RNLS: variants seen among roughly 807,000 people sequenced by gnomAD.
The protein encoded by RNLS is renalase.
Under a neutral mutation model 39.8 loss-of-function variants are expected in RNLS, and 39 were observed. That is an observed-to-expected ratio of 0.98 (90% CI 0.76 to 1.28). The LOEUF (loss-of-function observed/expected upper bound fraction) is 1.28. Ranked by LOEUF, RNLS falls within the 50% of genes most tolerant of loss-of-function variation. The pLI, the probability that RNLS is intolerant of heterozygous loss-of-function variation, is 0.00. For missense variants in RNLS, 410 were observed against 413.3 expected, an observed-to-expected ratio of 0.99 and a Z score of 0.07; for synonymous variants, 147 against 150.7, an observed-to-expected ratio of 0.98 and a Z score of 0.18.
At chr10:88,357,860 A>G (rs1938392571) in intron 5 of RNLS, among the ~76,000 whole-genome samples, 1 of 152,200 alleles carries the variant, frequency 6.6e-6, no homozygotes, top group African/African-American at 2.4e-5. Context: ...TGAAGTTGGC[A>G]GAGTCAAAAA....
At chr10:88,532,692 G>A (rs1180914435) in intron 4 of RNLS, among the ~76,000 whole-genome samples, 1 of 151,966 alleles carries the variant, frequency 6.6e-6, no homozygotes, top group African/African-American at 2.4e-5. Context: ...TAAAGTGTTA[G>A]ATAATCACAG....
chr10:88,413,231 C>G (rs1853804235), intron 4 of RNLS, among the ~76,000 whole-genome samples: 1 of 152,130 alleles, frequency 6.6e-6, no homozygotes, highest in Non-Finnish European at 1.5e-5. Flanking sequence ...TTCTTATGCT[C>G]TGCTCTTCAC....
At chr10:88,572,778 T>C in intron 4 of RNLS, 125 bp downstream of exon 4, 1 of 995,120 alleles carries the variant, frequency 1.0e-6, no homozygotes, top group East Asian at 2.6e-5. Flanking sequence ...TAAGTATCAG[T>C]TTTTAAGACA....
At chr10:88,542,680 A>G (rs1437636945) in intron 4 of RNLS, among the ~76,000 whole-genome samples, 1 of 152,162 alleles carries the variant, frequency 6.6e-6, no homozygotes, top group Non-Finnish European at 1.5e-5. Context: ...GCAAACCACA[A>G]GTGATGTCAA....
At chr10:88,581,292 G>GTATATATATATATATATATA (rs1362971821) in intron 3 of RNLS, among the ~76,000 whole-genome samples, 1 of 122,048 alleles carries the variant, frequency 8.2e-6, no homozygotes, top group African/African-American at 3.6e-5. Context: ...GTGTGTGTGT[G>GTATATATATATATATATATA]TGTATATATA....
chr10:88,435,090 A>C (rs1490667263), intron 4 of RNLS, among the ~76,000 whole-genome samples: 1 of 152,008 alleles, frequency 6.6e-6, no homozygotes, highest in Non-Finnish European at 1.5e-5. Context: ...GTGTAAACCA[A>C]TATAAGTAGC....
At chr10:88,489,591 A>G (rs1844766914) in intron 4 of RNLS, among the ~76,000 whole-genome samples, 1 of 152,214 alleles carries the variant, frequency 6.6e-6, no homozygotes, top group Non-Finnish European at 1.5e-5. Context: ...GATTCAAATT[A>G]AAACTTAATA....
intron 4 of RNLS, among the ~76,000 whole-genome samples, chr10:88,516,790 G>T (rs1846428700): frequency 6.6e-6 from 1 of 151,898 alleles, no homozygotes; most frequent in South Asian, 2.1e-4. Context: ...TGCTTTTGTA[G>T]TCATATGTTT....
chr10:88,556,955 T>C (rs930158787), intron 4 of RNLS, among the ~76,000 whole-genome samples: 1 of 152,138 alleles, frequency 6.6e-6, no homozygotes, highest in Non-Finnish European at 1.5e-5. Flanking sequence ...TCCACTAGAA[T>C]AGAAGTTCCT....
chr10:88,552,230 T>A (rs1848636399), intron 4 of RNLS, among the ~76,000 whole-genome samples: 1 of 152,032 alleles, frequency 6.6e-6, no homozygotes, highest in African/African-American at 2.4e-5. Context: ...CCAGAACTGG[T>A]AAGAAAGGCA....
At chr10:88,304,821 C>A (rs1564676764) in intron 6 of RNLS, among the ~76,000 whole-genome samples, 1 of 152,088 alleles carries the variant, frequency 6.6e-6, no homozygotes, top group Non-Finnish European at 1.5e-5. Context: ...AACCAACATT[C>A]AAAATCAGGA....
chr10:88,332,334 G>C (rs939152141), intron 5 of RNLS, among the ~76,000 whole-genome samples: 3 of 152,270 alleles, frequency 2.0e-5, no homozygotes, highest in African/African-American at 7.2e-5. Flanking sequence ...AGTTCTGGAA[G>C]TAAATACTTC....
At chr10:88,275,137 T>A in intron 6 of RNLS, 1 of 884,986 alleles carries the variant, frequency 1.1e-6, no homozygotes, top group Non-Finnish European at 1.8e-6. Flanking sequence ...GGAACATATA[T>A]AGACCTGGAA....
chr10:88,190,824 C>T, the RNLS span, among the ~76,000 whole-genome samples: 20,772 of 152,188 alleles, frequency 0.14, 1,741 homozygotes, highest in Non-Finnish European at 0.19. Flanking sequence ...TGGCTTTCCT[C>T]TTGGGGATCA....
intron 4 of RNLS, among the ~76,000 whole-genome samples, chr10:88,425,799 T>C (rs1854715021): frequency 6.6e-6 from 1 of 151,940 alleles, no homozygotes; most frequent in Non-Finnish European, 1.5e-5. Flanking sequence ...AAAACGTTGA[T>C]GTGAGGTGTG....
chr10:88,344,136 A>G (rs184392228), intron 5 of RNLS, among the ~76,000 whole-genome samples: 1 of 152,306 alleles, frequency 6.6e-6, no homozygotes, highest in East Asian at 1.9e-4. Context: ...TTGAGCCAGC[A>G]TACTGGTTTG....
chr10:88,511,021 G>GAA (rs946052773), intron 4 of RNLS, among the ~76,000 whole-genome samples: 1 of 93,086 alleles, frequency 1.1e-5, no homozygotes. Context: ...TTTTACAAAT[G>GAA]AAAAAAAAAA....
chr10:88,250,503 G>T, the RNLS span, among the ~76,000 whole-genome samples: 2 of 152,158 alleles, frequency 1.3e-5, no homozygotes, highest in Non-Finnish European at 2.9e-5. Flanking sequence ...GGACTGTGGG[G>T]AGCATTTACC....
At chr10:88,529,356 A>C (rs1847287355) in intron 4 of RNLS, among the ~76,000 whole-genome samples, 1 of 152,190 alleles carries the variant, frequency 6.6e-6, no homozygotes, top group Non-Finnish European at 1.5e-5. Flanking sequence ...CTGGGTGGGC[A>C]GGTCTGTTCA....
Sources: allele counts gnomAD v4.1 joint callset (sites outside exome capture counted in the v4.1 genomes callset), GRCh38; gene constraint gnomAD v4.1.1; transcripts MANE v1.5; gene names NCBI Gene and HGNC (gene_info 2026-07-23, HGNC 2026-07-21).